Variants in ZFYVE26 observed in about 807,000 individuals in gnomAD.
The protein encoded by ZFYVE26 is zinc finger FYVE-type containing 26.
ZFYVE26 carries 181 observed loss-of-function variants against 276.5 expected under a neutral mutation model. The ratio of observed to expected loss-of-function variants is 0.65; its 90% CI spans 0.58 to 0.74. The LOEUF (loss-of-function observed/expected upper bound fraction) is 0.74. Among genes scored for constraint, ZFYVE26 ranks in the 30% least tolerant of loss-of-function variants. The pLI is 0.00. For synonymous variants in ZFYVE26, 1,129 were observed against 1,203.1 expected (o/e 0.94, Z 1.27); for missense variants, 2,821 against 3,097.9 (o/e 0.91, Z 2.12).
At chr14:67,729,715 C>CTTGA in exon 14 of ZFYVE26, 1 of 533,434 alleles carries the variant, frequency 1.9e-6, no homozygotes, top group South Asian at 1.5e-5. Context: ...TTTTGGCTCA[C>CTTGA]TTGATTCATG....
At position 67,777,621 on chromosome 14, in the gene ZFYVE26, A is replaced by C. The variant is rs759874287; in HGVS notation, c.4912T>G (p.Phe1638Val). 9 of 1,613,930 alleles carry C rather than the reference A, an allele frequency of 5.6e-6. No individual in the cohort carries two copies. Among genetic ancestry groups the C allele is most frequent in the Non-Finnish European group, 8.5e-7 (1 of 1,180,024 alleles). ...HFLANYLTTHFYGQLTAVRHR... is the reference protein window; with the variant it reads ...HFLANYLTTHVYGQLTAVRHR... ...CGGACAGCAGTCAGTTGTCCATAGA[A>C]GTGGGTGGTGAGGTAGTTGGCCAAG... The change falls in exon 25 of 42, where the codon TTC becomes GTC. Residue 1638 changes from phenylalanine to valine, a missense_variant. Transcript: ENST00000347230.
At chr14:67,806,758 TGA>T (rs1594937757) in intron 5 of ZFYVE26, 83 bp from the exon 6 acceptor site, 1 of 1,556,234 alleles carries the variant, frequency 6.4e-7, no homozygotes. Context: ...CCAAGTGATG[TGA>T]GAGTTTGCTC....
At chr14:67,784,610 T>C (rs2039600406) in intron 19 of ZFYVE26, among the ~76,000 whole-genome samples, 174 bp from the exon 20 acceptor site, 1 of 152,206 alleles carries the variant, frequency 6.6e-6, no homozygotes, top group African/African-American at 2.4e-5. Context: ...CCACAAGTTT[T>C]ATCTATATCT....
intron 13 of ZFYVE26, among the ~76,000 whole-genome samples, chr14:67,732,476 G>T (rs1343638398): frequency 1.4e-5 from 2 of 145,942 alleles, no homozygotes; most frequent in Non-Finnish European, 3.0e-5. Context: ...GTATGATCCC[G>T]GTTTTATGTA....
rs115034945 is a variant in ZFYVE26, at chr14:67,808,016, A to G, written c.364-96T>C. ...CTTTCCTCTTTTTCAGTTTACTTAT[A>G]TAATAGTGGCGGTAACAAATACTTA... On this transcript the variant is annotated intron_variant, in intron 4 of 41. Transcript: ENST00000347230. 4,655 of 1,431,252 alleles carry G rather than the reference A, an allele frequency of 3.3e-3. 126 individuals carry two copies. The African/African-American group carries it at 0.059, about 18-fold the overall frequency. The allele number at this position is 1,431,252 out of a possible 1,614,324, so 88.7% of individuals were successfully genotyped here. A position where few individuals can be genotyped will look rare whatever the true frequency, so the allele number is the denominator to read the frequency against.
At chr14:67,806,948 T>A (rs1459302359) in intron 5 of ZFYVE26, among the ~76,000 whole-genome samples, 1 of 152,158 alleles carries the variant, frequency 6.6e-6, no homozygotes, top group Non-Finnish European at 1.5e-5. Context: ...TTATTTATTT[T>A]GAGATAGGGT....
intron 16 of ZFYVE26, among the ~76,000 whole-genome samples, chr14:67,787,812 T>C (rs1204848121): frequency 6.6e-6 from 1 of 152,162 alleles, no homozygotes; most frequent in Non-Finnish European, 1.5e-5. Context: ...AACCAACAGC[T>C]CAGAGGTGAT....
At chr14:67,768,388 T>A in intron 30 of ZFYVE26, 129 bp downstream of exon 30, 1 of 1,039,720 alleles carries the variant, frequency 9.6e-7, no homozygotes, top group Non-Finnish European at 1.5e-6. Flanking sequence ...TGCCAAGAAT[T>A]TGCTTTGGCA....
chr14:67,807,524 G>A lies in ZFYVE26; in HGVS notation c.760C>T (p.Leu254=), dbSNP rs759762982. 50 of 1,614,070 alleles carry A rather than the reference G, an allele frequency of 3.1e-5. No individual in the cohort carries two copies. The highest frequency in any genetic ancestry group is 4.0e-5 in the Non-Finnish European group (47 of 1,180,044). ...LEACRTEGSP[L]REERLLSCLL... is the part of the protein sequence containing the mutation. ...CAGCTGAGCAGCCGCTCCTCCCGCA[G>A]GGGACTCCCCTCGGTCCTGCAGGCC... Residue 254 remains leucine (L), a synonymous_variant, in exon 5 of 42, where the codon CTG becomes TTG. Coordinates refer to ENST00000347230, the MANE Select transcript of ZFYVE26 (RefSeq NM_015346.4).
intron 18 of ZFYVE26, 148 bp downstream of exon 18, chr14:67,785,709 GA>G: frequency 9.5e-7 from 1 of 1,050,564 alleles, no homozygotes; most frequent in South Asian, 1.3e-5. Flanking sequence ...GTTAAGTTAC[GA>G]GACATTGAGA....
At chr14:67,736,255 G>A (rs1419444037) in intron 13 of ZFYVE26, among the ~76,000 whole-genome samples, 1 of 152,194 alleles carries the variant, frequency 6.6e-6, no homozygotes, top group East Asian at 1.9e-4. Context: ...GGTTTGGCTT[G>A]GGTCAAATGC....
At chr14:67,729,751 A>C (rs1224434247) in exon 14 of ZFYVE26, 3 of 507,350 alleles carry the variant, frequency 5.9e-6, no homozygotes, top group Admixed American at 2.1e-5. Context: ...ATTAGCACAA[A>C]GTGCTAGGGG....
chr14:67,731,246 A>C, intron 13 of ZFYVE26, among the ~76,000 whole-genome samples: 1 of 114,066 alleles, frequency 8.8e-6, no homozygotes, highest in African/African-American at 3.5e-5. Flanking sequence ...ACATAGTCTC[A>C]CTCTGTTGCC....
chr14:67,762,470 C>G, intron 33 of ZFYVE26, 58 bp from the exon 34 acceptor site: 1 of 1,567,658 alleles, frequency 6.4e-7, no homozygotes, highest in Non-Finnish European at 8.7e-7. Context: ...CTAAATGTCC[C>G]AAAGACCTAT....
rs1434127979 is a variant in ZFYVE26 at position 67,783,268 on chromosome 14, G to A, written c.3884C>T (p.Ser1295Leu). The change falls in exon 21 of 42, where the codon TCA becomes TTA. Residue 1295 changes from serine to leucine, a missense_variant. Transcript: ENST00000347230. ...AGAGGAGGTGAGGGCTGGGAGTGAT[G>A]AGTCCCTTGGGGAGGAGTAGGGCTT... Reference protein sequence around the residue: ...ERKPYSSPRDSSLPALTSSAL... With the variant: ...ERKPYSSPRDLSLPALTSSAL... The A allele has an allele frequency of 1.2e-6, 2 of 1,613,936 alleles. No individual in the cohort carries two copies. Among genetic ancestry groups the A allele is most frequent in the Non-Finnish European group, 8.5e-7 (1 of 1,179,812 alleles).
chr14:67,777,445 C>T, intron 25 of ZFYVE26, 114 bp downstream of exon 25: 2 of 1,560,168 alleles, frequency 1.3e-6, no homozygotes, highest in South Asian at 2.3e-5. Context: ...AAGGCAAGTT[C>T]TGAAGAAGAG....
At chr14:67,755,576 T>C (rs2140184927) in intron 36 of ZFYVE26, among the ~76,000 whole-genome samples, 1 of 152,356 alleles carries the variant, frequency 6.6e-6, no homozygotes, top group Non-Finnish European at 1.5e-5. Flanking sequence ...CTCAGGCAGA[T>C]TGGGAGGAAC....
At chr14:67,733,027 C>T (rs1033188577) in intron 13 of ZFYVE26, among the ~76,000 whole-genome samples, 3 of 152,072 alleles carry the variant, frequency 2.0e-5, no homozygotes, top group South Asian at 2.1e-4. Flanking sequence ...TGCTAAATGA[C>T]GAGTTCATGG....
chr14:67,746,270 T>G (rs575743871), downstream of ZFYVE26, among the ~76,000 whole-genome samples: 1 of 148,652 alleles, frequency 6.7e-6, no homozygotes, highest in South Asian at 2.2e-4. Flanking sequence ...ATAAACGTAT[T>G]ACCTATCTCT....
Sources: allele counts gnomAD v4.1 joint callset (sites outside exome capture counted in the v4.1 genomes callset), GRCh38; gene constraint gnomAD v4.1.1; transcripts MANE v1.5; gene names NCBI Gene and HGNC (gene_info 2026-07-23, HGNC 2026-07-21).